Variants in PARD6G observed in about 807,000 individuals in gnomAD.
PARD6G encodes partitioning defective 6 homolog gamma.
In PARD6G, 7 loss-of-function variants were observed where a neutral mutation model predicts 10.7. The ratio of observed to expected loss-of-function variants is 0.66; its 90% CI spans 0.37 to 1.23. The LOEUF (loss-of-function observed/expected upper bound fraction) is 1.23, where lower values mean the gene tolerates loss of function less well. Ranked by LOEUF, PARD6G falls within the 50% of genes most tolerant of loss-of-function variation. PARD6G has a pLI of 0.02. For synonymous variants in PARD6G, 287 were observed against 269.4 expected (o/e 1.07, Z -0.64); for missense variants, 548 against 571.8 (o/e 0.96, Z 0.42).
At chr18:80,170,360 A>AG (rs2052767510) in intron 2 of PARD6G, 1 of 152,244 alleles carries the variant, frequency 6.6e-6, no homozygotes, top group South Asian at 2.1e-4. Context: ...ATGCATCCTC[A>AG]GGGGATTCTT....
chr18:80,225,614 T>C (rs748988896), intron 1 of PARD6G, among the ~76,000 whole-genome samples: 10 of 152,228 alleles, frequency 6.6e-5, no homozygotes, highest in Non-Finnish European at 1.5e-4. Context: ...CAAATGTTTC[T>C]GACACTGCAT....
intron 1 of PARD6G, among the ~76,000 whole-genome samples, chr18:80,217,775 A>T (rs1420373616): frequency 6.6e-6 from 1 of 152,190 alleles, no homozygotes; most frequent in Non-Finnish European, 1.5e-5. Flanking sequence ...CTATAAGGAC[A>T]TACCTGAGAC....
At position 80,201,806 on chromosome 18, in the gene PARD6G, C is replaced by T. The variant is rs939854825; in HGVS notation, c.295+904G>A. 1.3e-5 allele frequency among the ~76,000 whole-genome samples: 2 copies of T among 152,214 alleles called. No individual in the cohort carries two copies. The highest frequency in any genetic ancestry group is 2.4e-5 in the African/African-American group (1 of 41,462). Reference sequence around the variant, plus strand: ...ACGCTGGGGTGAAGGAGGCGGAGGGCCTCGTCTGAGAACTCGCCCAGCCCG... The same window carrying T: ...ACGCTGGGGTGAAGGAGGCGGAGGGTCTCGTCTGAGAACTCGCCCAGCCCG... On this transcript the variant is annotated intron_variant, in intron 2 of 2. Transcript: ENST00000353265. This position sits in a 1 kb window ranked among gnomAD's most constrained non-coding sequence, Gnocchi z 5.9.
intron 2 of PARD6G, among the ~76,000 whole-genome samples, chr18:80,195,906 A>G (rs1323429356): frequency 6.6e-6 from 1 of 151,072 alleles, no homozygotes; most frequent in African/African-American, 2.4e-5. Context: ...TTTTTTTTTA[A>G]AGTAAAAAAG....
intron 2 of PARD6G, chr18:80,178,174 T>C (rs2052827277): frequency 6.0e-6 from 1 of 167,012 alleles, no homozygotes. Context: ...CCAGTGGAGA[T>C]ATCATTGGAA....
Position 80,162,840 on chromosome 18 carries a change from C to T in PARD6G, c.296-2234G>A, listed in dbSNP as rs114168498. 1.5e-3 allele frequency among the ~76,000 whole-genome samples: 226 copies of T among 152,212 alleles called. 1 individual carries two copies. Among genetic ancestry groups the T allele is most frequent in the African/African-American group, 5.3e-3 (220 of 41,548 alleles). Reference sequence around the variant, plus strand: ...GTGAGTGGCACAGAGCTCCTCTTCCCGTGATGAGGAGAGACTACCTGTAGA... The same window carrying T: ...GTGAGTGGCACAGAGCTCCTCTTCCTGTGATGAGGAGAGACTACCTGTAGA... On this transcript the variant is annotated intron_variant, in intron 2 of 2. Transcript: ENST00000353265.
intron 1 of PARD6G, among the ~76,000 whole-genome samples, chr18:80,212,313 C>T (rs1418199764): frequency 2.6e-5 from 4 of 152,092 alleles, no homozygotes; most frequent in Non-Finnish European, 5.9e-5. Flanking sequence ...CACTCATAAC[C>T]ATGAACTGGA....
chr18:80,186,452 C>T (rs7228497), intron 2 of PARD6G, among the ~76,000 whole-genome samples: 27,053 of 136,036 alleles, frequency 0.2, 3,168 homozygotes, highest in African/African-American at 0.38. Context: ...CACCCACACA[C>T]GCATACACCC....
chr18:80,202,626 C>A (rs879257831), intron 2 of PARD6G, 84 bp downstream of exon 2: 106 of 1,191,252 alleles, frequency 8.9e-5, no homozygotes, highest in Non-Finnish European at 1.2e-4. Flanking sequence ...ACCACATAGT[C>A]CTGTAATGAC....
intron 2 of PARD6G, among the ~76,000 whole-genome samples, chr18:80,187,099 GAAA>G (rs1166529542): frequency 1.6e-5 from 2 of 125,366 alleles, no homozygotes; most frequent in Admixed American, 8.1e-5. Context: ...TCTGTCTCAA[GAAA>G]AAAAAAAAAA....
chr18:80,219,152 G>C (rs1366833852), intron 1 of PARD6G, among the ~76,000 whole-genome samples: 1 of 152,196 alleles, frequency 6.6e-6, no homozygotes, highest in Non-Finnish European at 1.5e-5. Flanking sequence ...TCGGCTCCTT[G>C]TTGCTTATGC....
chr18:80,214,785 C>T (rs1390837417), intron 1 of PARD6G, among the ~76,000 whole-genome samples: 1 of 152,020 alleles, frequency 6.6e-6, no homozygotes, highest in Admixed American at 6.6e-5. Context: ...GGCAGAAAGG[C>T]TATTTGGAAA....
rs1384445650 is a variant in PARD6G at position 80,247,249 on chromosome 18, G to A, written c.72+28C>T. The A allele has an allele frequency of 2.5e-5, 39 of 1,557,300 alleles. 2 individuals carry two copies. In the Admixed American group the frequency reaches 7.1e-4, roughly 28 times the overall value. ...TTCATTAGCCAGGAGACTGGGCGCA[G>A]GGCCGCCGGGGCGGGCGGGGGGCTT... On this transcript the variant is annotated intron_variant, in intron 1 of 2. Coordinates refer to ENST00000353265, the MANE Select transcript of PARD6G (RefSeq NM_032510.4). This position sits in a 1 kb window ranked among gnomAD's most constrained non-coding sequence, Gnocchi z 4.2.
At chr18:80,178,729 C>G (rs989442924) in intron 2 of PARD6G, among the ~76,000 whole-genome samples, 5 of 152,214 alleles carry the variant, frequency 3.3e-5, no homozygotes, top group Non-Finnish European at 7.3e-5. Context: ...GCACAAGTGT[C>G]TTTACAGAAC....
chr18:80,175,108 A>T lies in PARD6G; in HGVS notation c.296-14502T>A, dbSNP rs1474408154. Among the ~76,000 whole-genome samples the T allele has an allele frequency of 2.0e-5, 3 of 152,182 alleles. No individual in the cohort carries two copies. The highest frequency in any genetic ancestry group is 7.2e-5 in the African/African-American group (3 of 41,446). On this transcript the variant is annotated intron_variant, in intron 2 of 2. Transcript: ENST00000353265. This position sits in a 1 kb window ranked among gnomAD's most constrained non-coding sequence, Gnocchi z 6.7. ...AAAATGGATTAAACAAAGCAGAAAG[A>T]AAATGCCCCATAATCCTTCTTCCTA...
intron 1 of PARD6G, among the ~76,000 whole-genome samples, chr18:80,209,069 CAGCT>C (rs1967082128): frequency 6.6e-6 from 1 of 151,538 alleles, no homozygotes; most frequent in Non-Finnish European, 1.5e-5. Flanking sequence ...CACTGCACTC[CAGCT>C]TGAGTAACAG....
chr18:80,177,222 A>G (rs898485428), intron 2 of PARD6G, among the ~76,000 whole-genome samples: 2 of 142,594 alleles, frequency 1.4e-5, no homozygotes, highest in Non-Finnish European at 3.0e-5. Flanking sequence ...GGAAGCGCAC[A>G]CACACACACA....
chr18:80,218,366 CCAAAA>C (rs1468709308), intron 1 of PARD6G, among the ~76,000 whole-genome samples: 1 of 151,890 alleles, frequency 6.6e-6, no homozygotes, highest in Non-Finnish European at 1.5e-5. Flanking sequence ...GAGAAATTGG[CCAAAA>C]CAAAAGGGCT....
Position 80,159,727 on chromosome 18 carries a change from C to T in PARD6G, c.*44G>A. 7.4e-7 allele frequency: 1 copy of T among 1,359,184 alleles called. No homozygotes were observed. The highest frequency in any genetic ancestry group is 9.5e-7 in the Non-Finnish European group (1 of 1,054,328). The allele number at this position is 1,359,184 out of a possible 1,614,324, so 84.2% of individuals were successfully genotyped here. On this transcript the variant is annotated 3_prime_UTR_variant, in exon 3 of 3. Transcript: ENST00000353265. ...GCAGTCTGCAGGTCCTGTCCCTGTCCTTACCGGGGAACTGGAGCTAGGATT... is the reference window on the plus strand; with the variant it reads ...GCAGTCTGCAGGTCCTGTCCCTGTCTTTACCGGGGAACTGGAGCTAGGATT...
Sources: gnomAD v4.1 joint callset for allele counts (sites outside exome capture counted in the v4.1 genomes callset) on GRCh38, gnomAD v4.1.1 for gene constraint, Gnocchi (gnomAD v3.1) non-coding constraint, MANE v1.5 for transcripts, NCBI Gene and HGNC (gene_info 2026-07-23, HGNC 2026-07-21) for gene names.